The following TTN variants were observed in gnomAD, a reference collection of about 807,000 sequenced individuals.
TTN encodes titin, also known as connectin.
A neutral mutation model predicts 3,223.0 loss-of-function variants in TTN; 1,525 were observed. The observed-to-expected ratio is 0.47, with a 90% confidence interval of 0.45 to 0.49. TTN has a LOEUF of 0.49. Ranked by LOEUF, TTN falls within the 20% of genes least tolerant of loss-of-function variation. The pLI is 0.00. For synonymous variants in TTN, 14,094 were observed against 15,161.0 expected (o/e 0.93, Z 5.17); for missense variants, 40,786 against 43,424.0 (o/e 0.94, Z 5.40).
In TTN at chr2:178,575,358, C is replaced by T. The variant is rs1404037979; in HGVS notation, c.70774G>A (p.Val23592Met). 6 of 1,613,490 alleles carry T rather than the reference C, an allele frequency of 3.7e-6. No individual in the cohort carries two copies. Among genetic ancestry groups the T allele is most frequent in the Non-Finnish European group, 4.2e-6 (5 of 1,179,680 alleles). ...ITTVKGLECV[V>M]RNLTEGEEYT... is the part of the protein sequence containing the mutation. Reference sequence around the variant, plus strand: ...TCCTCTCCTTCAGTTAGATTCCTCACAACACATTCTAACCCTTTCACGGTT... The same window carrying T: ...TCCTCTCCTTCAGTTAGATTCCTCATAACACATTCTAACCCTTTCACGGTT... The change falls in exon 326 of 363, where the codon GTG (valine) becomes ATG (methionine). Residue 23592 changes from valine to methionine, a missense_variant. By Grantham distance (21) the Val-to-Met change is conservative. Transcript: ENST00000589042. The surrounding 1 kb of genome is among the most constrained non-coding windows in gnomAD (Gnocchi z 4.0).
chr2:178,663,840 G>T lies in TTN; in HGVS notation c.36427C>A (p.Pro12143Thr). The T allele has an allele frequency of 1.2e-6, 2 of 1,613,432 alleles. No homozygotes were observed. The highest frequency in any genetic ancestry group is 2.2e-5 in the East Asian group (1 of 44,874). ...CTACCTTTAACAGGTGGGACTTCAG[G>T]CTCTTTAGGAGGAGCCAAGGGCACT... ...EKVPLAPPKEPEVPPVKVPEP... is the reference protein window; with the variant it reads ...EKVPLAPPKETEVPPVKVPEP... The change falls in exon 170 of 363, where the codon CCT (proline) becomes ACT (threonine). Residue 12143 changes from proline (P) to threonine (T), a missense_variant. By Grantham distance (38) the Pro-to-Thr change is conservative. Coordinates refer to ENST00000589042, the MANE Select transcript of TTN (RefSeq NM_001267550.2).
intron 350 of TTN, 107 bp from the exon 351 acceptor site, chr2:178,540,477 G>C (rs1243451352): frequency 1.0e-6 from 1 of 966,820 alleles, no homozygotes; most frequent in Non-Finnish European, 1.5e-6. Flanking sequence ...GTTAACATTA[G>C]CCTGTTTTTT....
Position 178,633,186 on chromosome 2 carries a change from C to T in TTN, c.43086+1G>A. ...TATATAATTAGCTAATCTTGACTTA[C>T]AGGGGAAGCTGTCAAAGGCTGTCCT... On this transcript the variant is annotated splice_donor_variant, in intron 233 of 362. Coordinates refer to ENST00000589042, the MANE Select transcript of TTN (RefSeq NM_001267550.2). LOFTEE classifies it high-confidence loss of function. 1 of 1,610,124 alleles carries T rather than the reference C, an allele frequency of 6.2e-7. No individual in the cohort carries two copies. Among genetic ancestry groups the T allele is most frequent in the Non-Finnish European group, 8.5e-7 (1 of 1,177,518 alleles).
At chr2:178,638,862 G>T (rs749220450) in intron 223 of TTN, among the ~76,000 whole-genome samples, 9 of 151,996 alleles carry the variant, frequency 5.9e-5, no homozygotes, top group African/African-American at 2.2e-4. Flanking sequence ...GCTGAGGTCT[G>T]GGATATGAGT....
At chr2:178,637,252 A>C in intron 224 of TTN, 117 bp downstream of exon 224, 2 of 494,710 alleles carry the variant, frequency 4.0e-6, no homozygotes, top group Non-Finnish European at 6.6e-6. Context: ...TTTTAGTAGA[A>C]TCAATTAGAA....
At chr2:178,586,876 A>G (rs2049106924) in intron 307 of TTN, 69 bp from the exon 308 acceptor site, 1 of 1,564,898 alleles carries the variant, frequency 6.4e-7, no homozygotes, top group African/African-American at 1.4e-5. Context: ...TAATGTACAT[A>G]AGAGTTTTAG....
chr2:178,783,126 T>G, intron 17 of TTN, 62 bp from the exon 18 acceptor site: 1 of 1,583,504 alleles, frequency 6.3e-7, no homozygotes, highest in Non-Finnish European at 8.7e-7. Context: ...ACTTCTGTTT[T>G]GTAACAAATG....
Position 178,707,798 on chromosome 2 carries a change from G to C in TTN, c.28769C>G (p.Pro9590Arg), listed in dbSNP as rs867410935. 1 of 1,592,932 alleles carries C rather than the reference G, an allele frequency of 6.3e-7. No homozygotes were observed. Among genetic ancestry groups the C allele is most frequent in the Admixed American group, 1.7e-5 (1 of 58,312 alleles). ...TGGAGTAAGGTGCTGATCAAATACA[G>C]GTGGCTTCTTAGGTTCTGGAATTGA... Reference protein sequence around the residue: ...SIVIKEPKKPPVFDQHLTPVT... With the variant: ...SIVIKEPKKPRVFDQHLTPVT... The change falls in exon 100 of 363, where the codon CCT (proline) becomes CGT (arginine). Residue 9590 changes from proline to arginine, a missense_variant. Coordinates refer to ENST00000589042, the MANE Select transcript of TTN (RefSeq NM_001267550.2).
At chr2:178,737,960 A>G in intron 49 of TTN, 122 bp downstream of exon 49, 2 of 1,260,654 alleles carry the variant, frequency 1.6e-6, no homozygotes, top group South Asian at 1.5e-5. Flanking sequence ...CTACCATGTT[A>G]CTGTCTTGGT....
intron 88 of TTN, among the ~76,000 whole-genome samples, chr2:178,716,010 T>C (rs188899157): frequency 1.2e-3 from 180 of 152,226 alleles, no homozygotes; most frequent in African/African-American, 3.9e-3. Context: ...GAAAAAGACA[T>C]TACTCTTTAT....
In TTN at chr2:178,652,312, T is replaced by C. The variant is rs397517555; in HGVS notation, c.39163A>G (p.Lys13055Glu). 8.1e-6 allele frequency: 13 copies of C among 1,613,650 alleles called. No individual in the cohort carries two copies. Among genetic ancestry groups the C allele is most frequent in the Non-Finnish European group, 1.1e-5 (13 of 1,179,722 alleles). The change falls in exon 203 of 363, where the codon AAA becomes GAA. Residue 13055 changes from lysine (K) to glutamate (E), a missense_variant. Transcript: ENST00000589042. ...TTTTTAGGAGGAGGCACTGGCACTT[T>C]CTTTTCAGGAACAACTTCTTTGGGA... ...EAPKEVVPEK[K>E]VPVPPPKKPE...
chr2:178,728,080 A>G, intron 67 of TTN, 30 bp downstream of exon 67: 1 of 1,521,552 alleles, frequency 6.6e-7, no homozygotes, highest in Non-Finnish European at 8.8e-7. Flanking sequence ...TTCGCAAGGA[A>G]GAATCAAGAA....
Position 178,789,398 on chromosome 2 carries a change from C to G in TTN, c.2038G>C (p.Ala680Pro). The G allele has an allele frequency of 6.2e-7, 1 of 1,613,434 alleles. No homozygotes were observed. Among genetic ancestry groups the G allele is most frequent in the Non-Finnish European group, 8.5e-7 (1 of 1,179,524 alleles). ...ACTTGGATTTGTTCTTGTCTAGTAG[C>G]CATAGTTTCTCTAGTTCTCAGTATT... is the stretch of plus-strand genomic sequence containing the variant. ...ETILRTRETM[A>P]TRQEQIQVTH... Residue 680 changes from alanine to proline, a missense_variant, in exon 13 of 363, where the codon GCT becomes CCT. Transcript: ENST00000589042.
In TTN at chr2:178,733,325, G is replaced by C; in HGVS notation, c.15968C>G (p.Ala5323Gly). The change falls in exon 54 of 363, where the codon GCT becomes GGT. Residue 5323 changes from alanine (A) to glycine (G), a missense_variant. By Grantham distance (60) the Ala-to-Gly change is moderately conservative. Transcript: ENST00000589042. ...NNVAQLKFYS[A>G]ELHDSGQYTF... The stretch of plus-strand genomic sequence containing the variant: ...GTATTGGCCACTGTCGTGCAGCTCA[G>C]CTGAATAAAATTTGAGCTGGGCAAC... 6.2e-7 allele frequency: 1 copy of C among 1,613,800 alleles called. No homozygotes were observed. The highest frequency in any genetic ancestry group is 8.5e-7 in the Non-Finnish European group (1 of 1,179,786).
chr2:178,600,896 G>A lies in TTN; in HGVS notation c.56008C>T (p.Pro18670Ser), dbSNP rs777752824. 3.1e-6 allele frequency: 5 copies of A among 1,612,778 alleles called. No individual in the cohort carries two copies. The highest frequency in any genetic ancestry group is 4.2e-6 in the Non-Finnish European group (5 of 1,179,220). ...GTCACAGGGCCAACAGTGGCTGAAG[G>A]CTTGCTGACTCCTGCAGCATTGACA... is the stretch of plus-strand genomic sequence containing the variant. ...KAVNAAGVSKPSATVGPVTVK... is the reference protein window; with the variant it reads ...KAVNAAGVSKSSATVGPVTVK... Residue 18670 changes from proline (P) to serine (S), a missense_variant, in exon 288 of 363, where the codon CCT becomes TCT. Transcript: ENST00000589042.
At chr2:178,756,894 A>G in intron 45 of TTN, 97 bp from the exon 46 acceptor site, 1 of 1,106,750 alleles carries the variant, frequency 9.0e-7, no homozygotes, top group South Asian at 1.5e-5. Flanking sequence ...GAAGATGAAG[A>G]TGAAAGACGT....
rs376221441 is a variant in TTN at position 178,746,398 on chromosome 2, G to A, written c.11312-4477C>T. 5 of 1,609,230 alleles carry A rather than the reference G, an allele frequency of 3.1e-6. No homozygotes were observed. In the Admixed American group the frequency reaches 5.1e-5, roughly 16 times the overall value. The stretch of plus-strand genomic sequence containing the variant: ...TACTTTTATGGTCAGGAGTAAATTC[G>A]GGAACTGTCACTATTTTCACCTGCT... On this transcript the variant is annotated intron_variant, in intron 47 of 362. Transcript: ENST00000589042.
At chr2:178,664,993 A>G in intron 165 of TTN, 67 bp from the exon 166 acceptor site, 1 of 1,506,060 alleles carries the variant, frequency 6.6e-7, no homozygotes. Flanking sequence ...AACCACAATA[A>G]GTTAGGAAAT....
In TTN at chr2:178,702,461, G is replaced by A. The variant is rs147524531; in HGVS notation, c.30426C>T (p.Asp10142=). 841 of 1,613,740 alleles carry A rather than the reference G, an allele frequency of 5.2e-4. 6 individuals carry two copies. In the African/African-American group the frequency reaches 9.7e-3, roughly 19 times the overall value. ...AACTGTCAATGAAATCACCTTCATC[G>A]TCTGGGGTCACATTGTGGATGGTCA... ...HYMTIHNVTP[D]DEGVYSVIAR... Residue 10142 remains aspartate (D), a synonymous_variant, in exon 107 of 363, where the codon GAC becomes GAT. Transcript: ENST00000589042.
Sources: gnomAD v4.1 joint callset for allele counts (sites outside exome capture counted in the v4.1 genomes callset) on GRCh38, gnomAD v4.1.1 for gene constraint, Gnocchi (gnomAD v3.1) non-coding constraint, MANE v1.5 for transcripts, NCBI Gene and HGNC (gene_info 2026-07-23, HGNC 2026-07-21) for gene names.